The following EXOC4 variants were observed in gnomAD, a reference collection of about 807,000 sequenced individuals.
The protein encoded by EXOC4 is exocyst complex component 4.
EXOC4 carries 71 observed loss-of-function variants against 107.2 expected under a neutral mutation model. The observed-to-expected ratio is 0.66, with a 90% CI of 0.55 to 0.81. EXOC4 has a LOEUF of 0.81. Ranked by LOEUF, EXOC4 falls within the 30% of genes least tolerant of loss-of-function variation. The pLI is 0.00. For missense variants in EXOC4, 1,108 were observed against 1,189.6 expected (o/e 0.93, Z 1.01); for synonymous variants, 456 against 441.2 (o/e 1.03, Z -0.42).
intron 15 of EXOC4, among the ~76,000 whole-genome samples, chr7:133,998,362 G>A (rs937309073): frequency 6.6e-6 from 1 of 152,164 alleles, no homozygotes; most frequent in Admixed American, 6.5e-5. Context: ...GCCAAGAGTG[G>A]CTGGGGCTGA....
rs1798688243 is a variant in EXOC4, at chr7:133,464,861, C to T, written c.1183-10467C>T. Among the ~76,000 whole-genome samples the T allele has an allele frequency of 4.2e-5, 5 of 120,472 alleles. No homozygotes were observed. In the Admixed American group the frequency reaches 5.8e-4, roughly 14 times the overall value. 79.0% of individuals were successfully genotyped at this position (120,472 alleles called of 152,430 possible). The stretch of plus-strand genomic sequence containing the variant: ...TGGAGTTAGGGTCTCACTCTGTCAC[C>T]CAGACTGGAGTGCAGTAGTGCAGTC... On this transcript the variant is annotated intron_variant, in intron 7 of 17. Coordinates refer to ENST00000253861, the MANE Select transcript of EXOC4 (RefSeq NM_021807.4).
At chr7:133,611,661 C>T (rs1159216489) in intron 9 of EXOC4, among the ~76,000 whole-genome samples, 1 of 152,062 alleles carries the variant, frequency 6.6e-6, no homozygotes, top group Non-Finnish European at 1.5e-5. Context: ...CTTCCTCTGC[C>T]CAGAACACAC....
In EXOC4 at chr7:133,308,784, A is replaced by G. The variant is rs575437533; in HGVS notation, c.656+2723A>G. 2.6e-5 allele frequency among the ~76,000 whole-genome samples: 4 copies of G among 152,316 alleles called. No individual in the cohort carries two copies. In the East Asian group the frequency reaches 7.7e-4, roughly 29 times the overall value. ...AAAAACAAATTTTATAAATACCAGG[A>G]AGAAATATTATGTGATCTGAAGTGA... On this transcript the variant is annotated intron_variant, in intron 4 of 17. Transcript: ENST00000253861.
chr7:133,909,438 A>G (rs566712388), intron 12 of EXOC4, among the ~76,000 whole-genome samples: 1 of 152,334 alleles, frequency 6.6e-6, no homozygotes, highest in South Asian at 2.1e-4. Context: ...GCTCAGTTCT[A>G]AAGGATGAGA....
At chr7:133,755,312 A>T (rs1185394601) in intron 10 of EXOC4, among the ~76,000 whole-genome samples, 3 of 107,814 alleles carry the variant, frequency 2.8e-5, no homozygotes, top group African/African-American at 3.8e-5. Context: ...TTATATATAT[A>T]TTATATATAT....
At chr7:133,729,102 T>C (rs1311959906) in intron 10 of EXOC4, among the ~76,000 whole-genome samples, 4 of 152,152 alleles carry the variant, frequency 2.6e-5, no homozygotes, top group South Asian at 2.1e-4. Context: ...TAGACTCTGT[T>C]GGTTCTCAGA....
At chr7:133,619,897 A>G (rs906592053) in intron 9 of EXOC4, among the ~76,000 whole-genome samples, 17 of 152,032 alleles carry the variant, frequency 1.1e-4, no homozygotes, top group African/African-American at 4.1e-4. Context: ...GACCACCCCT[A>G]CAAGAGCCAG....
chr7:133,597,019 G>A (rs1801690384), intron 9 of EXOC4, among the ~76,000 whole-genome samples: 1 of 152,134 alleles, frequency 6.6e-6, no homozygotes, highest in African/African-American at 2.4e-5. Flanking sequence ...TTTTTAGTTT[G>A]TCGTCTTCAG....
intron 14 of EXOC4, among the ~76,000 whole-genome samples, chr7:133,981,235 C>T (rs1436327136): frequency 2.0e-5 from 3 of 152,094 alleles, no homozygotes; most frequent in Non-Finnish European, 4.4e-5. Flanking sequence ...ATCAGTTGTC[C>T]AGATGTTATC....
intron 7 of EXOC4, among the ~76,000 whole-genome samples, chr7:133,387,164 A>G (rs1406128351): frequency 6.6e-6 from 1 of 152,220 alleles, no homozygotes; most frequent in African/African-American, 2.4e-5. Context: ...AAGAGGCAGG[A>G]TTAGTAAGTG....
intron 9 of EXOC4, among the ~76,000 whole-genome samples, chr7:133,565,454 T>G (rs1048318587): frequency 6.6e-6 from 1 of 152,212 alleles, no homozygotes; most frequent in Non-Finnish European, 1.5e-5. Context: ...GGTTTTTACC[T>G]GAGGCCCCAG....
chr7:133,938,231 G>A (rs1800349500), intron 14 of EXOC4, among the ~76,000 whole-genome samples, 162 bp downstream of exon 14: 1 of 152,136 alleles, frequency 6.6e-6, no homozygotes, highest in Non-Finnish European at 1.5e-5. Flanking sequence ...CTTGTACTTT[G>A]TGATTCTGGG....
chr7:133,635,312 C>T (rs1802682373), intron 10 of EXOC4, among the ~76,000 whole-genome samples: 1 of 152,024 alleles, frequency 6.6e-6, no homozygotes, highest in Admixed American at 6.5e-5. Flanking sequence ...TACTTTGTAG[C>T]TGTTATTTGT....
At chr7:133,465,554 A>G (rs1326111337) in intron 7 of EXOC4, among the ~76,000 whole-genome samples, 1 of 152,196 alleles carries the variant, frequency 6.6e-6, no homozygotes, top group Admixed American at 6.5e-5. Context: ...ATTTAAACTG[A>G]CATGTATGGT....
chr7:133,336,774 G>A (rs376386734), intron 5 of EXOC4, among the ~76,000 whole-genome samples: 37 of 148,052 alleles, frequency 2.5e-4, no homozygotes, highest in Middle Eastern at 3.5e-3. Flanking sequence ...TTGCTCTGTC[G>A]CCAGGCTGGA....
intron 10 of EXOC4, among the ~76,000 whole-genome samples, chr7:133,688,232 GA>G (rs1794347767): frequency 6.6e-6 from 1 of 152,138 alleles, no homozygotes; most frequent in African/African-American, 2.4e-5. Flanking sequence ...GAAGTGGGTT[GA>G]AATGTTGCTC....
chr7:133,499,376 C>T (rs1053750388), intron 9 of EXOC4, among the ~76,000 whole-genome samples: 1 of 152,060 alleles, frequency 6.6e-6, no homozygotes, highest in African/African-American at 2.4e-5. Flanking sequence ...CTGATTTAGA[C>T]AGTAGCTTAG....
intron 10 of EXOC4, among the ~76,000 whole-genome samples, chr7:133,657,545 T>G (rs1803328844): frequency 6.6e-6 from 1 of 152,200 alleles, no homozygotes; most frequent in Non-Finnish European, 1.5e-5. Flanking sequence ...CTTTTTGAGT[T>G]TCTTCTCATC....
At chr7:133,537,367 C>T (rs1800293795) in intron 9 of EXOC4, among the ~76,000 whole-genome samples, 1 of 147,516 alleles carries the variant, frequency 6.8e-6, no homozygotes, top group African/African-American at 2.5e-5. Flanking sequence ...CATATTGGGC[C>T]AACCTGGTCT....
Sources: allele counts gnomAD v4.1 joint callset (sites outside exome capture counted in the v4.1 genomes callset), GRCh38; gene constraint gnomAD v4.1.1; transcripts MANE v1.5; gene names NCBI Gene and HGNC (gene_info 2026-07-23, HGNC 2026-07-21).